The following CNOT10 variants were observed in gnomAD, a reference collection of about 807,000 sequenced individuals.
CNOT10 encodes the protein CCR4-NOT transcription complex subunit 10, also known as CCR4-NOT transcription complex, subunit 10.
In CNOT10, 30 loss-of-function variants were observed where a neutral mutation model predicts 94.6. The observed-to-expected ratio is 0.32, with a 90% confidence interval of 0.24 to 0.43. The LOEUF (loss-of-function observed/expected upper bound fraction) is 0.43, where lower values mean the gene tolerates loss of function less well. Ranked by LOEUF, CNOT10 falls within the 20% of genes least tolerant of loss-of-function variation. CNOT10 has a pLI of 1.00. For synonymous variants in CNOT10, 289 were observed against 301.6 expected, an observed-to-expected ratio of 0.96 and a Z score of 0.43; for missense variants, 759 against 877.2, an observed-to-expected ratio of 0.87 and a Z score of 1.70.
intron 1 of CNOT10, among the ~76,000 whole-genome samples, chr3:32,685,725 C>T (rs1373038386): frequency 6.6e-6 from 1 of 152,180 alleles, no homozygotes; most frequent in Non-Finnish European, 1.5e-5. Context: ...CCCTGCTCTT[C>T]AGAATAACTC....
At chr3:32,752,865 A>G (rs1208232481) in intron 13 of CNOT10, 1 of 300,500 alleles carries the variant, frequency 3.3e-6, no homozygotes, top group Non-Finnish European at 6.5e-6. Context: ...GGAGGTGGTA[A>G]CTACGACAGT....
intron 13 of CNOT10, among the ~76,000 whole-genome samples, chr3:32,747,388 A>T (rs1222306958): frequency 5.9e-5 from 9 of 152,176 alleles, no homozygotes; most frequent in Non-Finnish European, 1.0e-4. Flanking sequence ...GTGCCATTGC[A>T]CTCCAGCCTG....
intron 1 of CNOT10, among the ~76,000 whole-genome samples, chr3:32,686,790 G>T (rs1046971019): frequency 6.6e-6 from 1 of 152,248 alleles, no homozygotes; most frequent in Middle Eastern, 3.4e-3. Context: ...ATACCATTGC[G>T]CTTGCCCGAA....
intron 11 of CNOT10, among the ~76,000 whole-genome samples, chr3:32,734,418 C>T (rs1003834399): frequency 1.3e-5 from 2 of 152,140 alleles, no homozygotes; most frequent in Admixed American, 6.6e-5. Flanking sequence ...AAGGCTCAAA[C>T]GTGAAAATCT....
rs570861067 is a variant in CNOT10 at position 32,707,100 on chromosome 3, A to G, written c.280-1570A>G. The stretch of plus-strand genomic sequence containing the variant: ...CTTAGAGTTAATTACTTAATATTGA[A>G]CAATAATTTATTGCAATCTTCATAA... On this transcript the variant is annotated intron_variant, in intron 3 of 18. Transcript: ENST00000328834. 1.7e-3 allele frequency among the ~76,000 whole-genome samples: 259 copies of G among 152,304 alleles called. 1 individual carries two copies. Among genetic ancestry groups the G allele is most frequent in the African/African-American group, 5.9e-3 (246 of 41,560 alleles).
chr3:32,702,955 C>T (rs974461826), intron 1 of CNOT10, among the ~76,000 whole-genome samples: 44 of 150,832 alleles, frequency 2.9e-4, no homozygotes, highest in African/African-American at 1.0e-3. Context: ...TCTGTCGCCC[C>T]GGCTGGAGTG....
chr3:32,755,849 A>G lies in CNOT10; in HGVS notation c.1596-3609A>G, dbSNP rs184507194. 5.2e-3 allele frequency among the ~76,000 whole-genome samples: 755 copies of G among 145,478 alleles called. 4 individuals carry two copies. The highest frequency in any genetic ancestry group is 0.018 in the African/African-American group (702 of 39,042). ...AGTTCCTTCAGCATGTGAAGGGGAGAGTGGGGTTTTGTCAGATCCTCCACA... is the reference window on the plus strand; with the variant it reads ...AGTTCCTTCAGCATGTGAAGGGGAGGGTGGGGTTTTGTCAGATCCTCCACA... On this transcript the variant is annotated intron_variant, in intron 13 of 18. Transcript: ENST00000328834.
chr3:32,769,155 A>G (rs759078337), intron 17 of CNOT10: 1 of 152,276 alleles, frequency 6.6e-6, no homozygotes, highest in Non-Finnish European at 1.5e-5. Context: ...TTAGATTAAG[A>G]GAAGAGGCAG....
chr3:32,689,663 G>C (rs1223369666), intron 1 of CNOT10, among the ~76,000 whole-genome samples: 1 of 152,146 alleles, frequency 6.6e-6, no homozygotes, highest in Non-Finnish European at 1.5e-5. Context: ...TATCTGACAA[G>C]AGACACTCAA....
In CNOT10 at chr3:32,727,849, C is replaced by A. The variant is rs757366207; in HGVS notation, c.1194C>A (p.Cys398Ter). 1 of 1,612,564 alleles carries A rather than the reference C, an allele frequency of 6.2e-7. No individual in the cohort carries two copies. The highest frequency in any genetic ancestry group is 1.3e-5 in the African/African-American group (1 of 74,660). The part of the protein sequence containing the change: ...NPRLWLRLAE[C>*]CIAANKGTSE... ...GCCTCTGGCTACGGCTGGCTGAATGCTGCATTGCTGCCAATAAGGGGGTGA... is the reference window on the plus strand; with the variant it reads ...GCCTCTGGCTACGGCTGGCTGAATGATGCATTGCTGCCAATAAGGGGGTGA... Residue 398 changes from cysteine (C) to a stop codon, truncating the protein, a stop_gained, in exon 10 of 19, where the codon TGC becomes TGA. Coordinates refer to ENST00000328834, the MANE Select transcript of CNOT10 (RefSeq NM_015442.3). LOFTEE classifies it high-confidence loss of function.
Position 32,711,787 on chromosome 3 carries a change from G to A in CNOT10, c.431-1440G>A, listed in dbSNP as rs1241022798. ...AGCAAGATCATTGTGACTGGAGCTA[G>A]GTAAGGAGGATAATAGGAAATAAAG... On this transcript the variant is annotated intron_variant, in intron 4 of 18. Transcript: ENST00000328834. 5.3e-5 allele frequency among the ~76,000 whole-genome samples: 8 copies of A among 152,176 alleles called. 1 individual carries two copies. In the South Asian group the frequency reaches 6.2e-4, roughly 12 times the overall value.
At chr3:32,726,742 T>G (rs1260374570) in intron 9 of CNOT10, among the ~76,000 whole-genome samples, 1 of 149,764 alleles carries the variant, frequency 6.7e-6, no homozygotes, top group Non-Finnish European at 1.5e-5. Context: ...CCTATTTAAT[T>G]GATGGCAAAT....
intron 13 of CNOT10, chr3:32,753,884 G>T (rs2125617914): frequency 7.4e-7 from 1 of 1,355,456 alleles, no homozygotes; most frequent in South Asian, 1.2e-5. Flanking sequence ...TGATGATATG[G>T]AATGGAAAAA....
rs894112607 is a variant in CNOT10, at chr3:32,773,770, T to C, written c.*159T>C. 4.6e-6 allele frequency: 3 copies of C among 654,504 alleles called. No individual in the cohort carries two copies. The highest frequency in any genetic ancestry group is 3.0e-5 in the East Asian group (1 of 33,076). The allele number at this position is 654,504 out of a possible 1,614,324, so 40.5% of individuals were successfully genotyped here. A position where few individuals can be genotyped will look rare whatever the true frequency, so the allele number is the denominator to read the frequency against. ...CCAAAAGCTTACTTAAAATTAAGGA[T>C]TTACTAAGTCATCATCAGCTGTTTT... On this transcript the variant is annotated 3_prime_UTR_variant, in exon 19 of 19. Coordinates refer to ENST00000328834, the MANE Select transcript of CNOT10 (RefSeq NM_015442.3).
At chr3:32,706,249 G>A (rs1342546934) in intron 3 of CNOT10, among the ~76,000 whole-genome samples, 1 of 152,152 alleles carries the variant, frequency 6.6e-6, no homozygotes, top group Non-Finnish European at 1.5e-5. Context: ...TGATAATCTA[G>A]TACATGCACC....
rs771699066 is a variant in CNOT10 at position 32,762,746 on chromosome 3, T to G, written c.1723T>G (p.Leu575Val). 2 of 1,589,540 alleles carry G rather than the reference T, an allele frequency of 1.3e-6. No individual in the cohort carries two copies. The highest frequency in any genetic ancestry group is 1.7e-6 in the Non-Finnish European group (2 of 1,173,992). The change falls in exon 15 of 19, where the codon TTA (leucine) becomes GTA (valine). Residue 575 changes from leucine (L) to valine (V), a missense_variant. By Grantham distance (32) the Leu-to-Val change is conservative. Coordinates refer to ENST00000328834, the MANE Select transcript of CNOT10 (RefSeq NM_015442.3). ...LSGSLKFLGH[L>V]YAAEALISLD... ...TTTTCATTTTAGGTTTTTGGGACAT[T>G]TATATGCTGCAGAAGCCCTCATCTC...
chr3:32,733,226 T>G (rs929770100), intron 10 of CNOT10, among the ~76,000 whole-genome samples, 197 bp from the exon 11 acceptor site: 3 of 152,312 alleles, frequency 2.0e-5, no homozygotes, highest in African/African-American at 7.2e-5. Flanking sequence ...AAACAAAATG[T>G]AGCACATATC....
Position 32,727,857 on chromosome 3 carries a change from C to T in CNOT10, c.1202C>T (p.Ala401Val). The change falls in exon 10 of 19, where the codon GCT becomes GTT. Residue 401 changes from alanine (A) to valine (V), a missense_variant. By Grantham distance (64) the Ala-to-Val change is moderately conservative. This residue lies in a region of CNOT10 where 682 missense variants were observed against 799.4 expected (regional missense o/e 0.85). Transcript: ENST00000328834. ...CTACGGCTGGCTGAATGCTGCATTGCTGCCAATAAGGGGGTGAGTGCTACT... is the reference window on the plus strand; with the variant it reads ...CTACGGCTGGCTGAATGCTGCATTGTTGCCAATAAGGGGGTGAGTGCTACT... ...LWLRLAECCIAANKGTSEQET... is the reference protein window; with the variant it reads ...LWLRLAECCIVANKGTSEQET... 6.2e-7 allele frequency: 1 copy of T among 1,612,402 alleles called. No homozygotes were observed. Among genetic ancestry groups the T allele is most frequent in the Non-Finnish European group, 8.5e-7 (1 of 1,179,676 alleles).
At chr3:32,709,222 G>A (rs1697759874) in intron 4 of CNOT10, among the ~76,000 whole-genome samples, 1 of 152,156 alleles carries the variant, frequency 6.6e-6, no homozygotes, top group Non-Finnish European at 1.5e-5. Flanking sequence ...TAATTATGGA[G>A]TAGGAAGTAT....
Sources: allele counts gnomAD v4.1 joint callset (sites outside exome capture counted in the v4.1 genomes callset), GRCh38; gene constraint gnomAD v4.1.1; regional missense constraint gnomAD v4.1.1; transcripts MANE v1.5; gene names NCBI Gene and HGNC (gene_info 2026-07-23, HGNC 2026-07-21).